RPP14: variants seen among roughly 807,000 people sequenced by gnomAD.
RPP14 encodes the protein ribonuclease P/MRP subunit p14, also known as ribonuclease P protein subunit p14.
In RPP14, 19 loss-of-function variants were observed where a neutral mutation model predicts 17.8. The observed-to-expected ratio is 1.07, with a 90% CI of 0.74 to 1.57. The LOEUF (loss-of-function observed/expected upper bound fraction) is 1.57, where lower values mean the gene tolerates loss of function less well. RPP14 is among the 40% of genes most tolerant of loss of function. The pLI, the probability that RPP14 is intolerant of heterozygous loss-of-function variation, is 0.00. For missense variants in RPP14, 125 were observed against 140.8 expected, an observed-to-expected ratio of 0.89 and a Z score of 0.57; for synonymous variants, 60 against 56.4, an observed-to-expected ratio of 1.06 and a Z score of -0.29.
chr3:58,313,720 G>A (rs1232449956), intron 3 of RPP14, among the ~76,000 whole-genome samples: 1 of 152,234 alleles, frequency 6.6e-6, no homozygotes, highest in Non-Finnish European at 1.5e-5. Context: ...AACTAGTCAG[G>A]AGGCTGAGGT....
intron 3 of RPP14, among the ~76,000 whole-genome samples, chr3:58,310,851 A>T (rs567792568): frequency 1.3e-5 from 2 of 150,532 alleles, no homozygotes; most frequent in East Asian, 3.9e-4. Context: ...AATTGCTTGA[A>T]CCCGGGAGGC....
In RPP14 at chr3:58,316,366, G is replaced by A; in HGVS notation, c.163-149G>A. ...CAGAACATTCTAGGCAGGGGGAGCT[G>A]TAAGTAGGCAACTAAAGTGCCAGCA... On this transcript the variant is annotated intron_variant, in intron 3 of 5. Coordinates refer to ENST00000295959, the MANE Select transcript of RPP14 (RefSeq NM_007042.6). 3 of 661,934 alleles carry A rather than the reference G, an allele frequency of 4.5e-6. No homozygotes were observed. The African/African-American group carries it at 5.4e-5, about 12-fold the overall frequency. 41.0% of individuals were successfully genotyped at this position (661,934 alleles called of 1,614,324 possible).
Position 58,316,519 on chromosome 3 carries a change from A to C in RPP14, c.167A>C (p.Asp56Ala), listed in dbSNP as rs756494086. The C allele has an allele frequency of 6.2e-7, 1 of 1,613,840 alleles. No individual in the cohort carries two copies. The highest frequency in any genetic ancestry group is 1.1e-5 in the South Asian group (1 of 91,080). Reference sequence around the variant, plus strand: ...ATAGCATTATTCCATATGCAGGTTGATGCCGCCTTACCTTTGGACATCCTA... The same window carrying C: ...ATAGCATTATTCCATATGCAGGTTGCTGCCGCCTTACCTTTGGACATCCTA... ...SAVKDLFGEV[D>A]AALPLDILTY... Residue 56 changes from aspartate to alanine, a missense_variant, in exon 4 of 6, where the codon GAT becomes GCT. Transcript: ENST00000295959.
At chr3:58,315,379 T>A (rs534215668) in intron 3 of RPP14, among the ~76,000 whole-genome samples, 1 of 143,364 alleles carries the variant, frequency 7.0e-6, no homozygotes, top group African/African-American at 2.6e-5. Flanking sequence ...GGGTGAGGAG[T>A]AGGGGAGGAG....
chr3:58,310,221 A>G lies in RPP14; in HGVS notation c.-21-88A>G, dbSNP rs571833904. The G allele has an allele frequency of 4.7e-6, 5 of 1,053,090 alleles. No individual in the cohort carries two copies. In the African/African-American group the frequency reaches 6.4e-5, roughly 13 times the overall value. The allele number at this position is 1,053,090 out of a possible 1,614,324, so 65.2% of individuals were successfully genotyped here. ...GACCCTGCCTTAAAACAAACAAACA[A>G]AAAAAACCCAAATAGGCCAAATTCT... On this transcript the variant is annotated intron_variant, in intron 1 of 5. Transcript: ENST00000295959.
intron 3 of RPP14, among the ~76,000 whole-genome samples, chr3:58,312,224 G>A (rs1359153619): frequency 6.6e-6 from 1 of 152,022 alleles, no homozygotes; most frequent in Non-Finnish European, 1.5e-5. Flanking sequence ...CCTCCCAGTA[G>A]TGTGTGAGGG....
rs142298527 is a variant in RPP14 at position 58,315,325 on chromosome 3, C to T, written c.163-1190C>T. 1.5e-4 allele frequency among the ~76,000 whole-genome samples: 22 copies of T among 149,742 alleles called. No homozygotes were observed. In the East Asian group the frequency reaches 3.1e-3, roughly 21 times the overall value. On this transcript the variant is annotated intron_variant, in intron 3 of 5. Transcript: ENST00000295959. ...TGGGTGTTTCCATTTATAGAAGACTCTTGAAATACTATATATAATCTGGAG... is the reference window on the plus strand; with the variant it reads ...TGGGTGTTTCCATTTATAGAAGACTTTTGAAATACTATATATAATCTGGAG...
chr3:58,315,835 C>G (rs1014776347), intron 3 of RPP14: 1 of 152,282 alleles, frequency 6.6e-6, no homozygotes, highest in Non-Finnish European at 1.5e-5. Context: ...TGCCACCACA[C>G]CCGGCTAATT....
chr3:58,316,843 TAGAAA>T, intron 4 of RPP14, 67 bp from the exon 5 acceptor site: 1 of 1,289,984 alleles, frequency 7.8e-7, no homozygotes, highest in South Asian at 1.3e-5. Flanking sequence ...GTGAATATTT[TAGAAA>T]CCTTAGTTGA....
At chr3:58,313,717 C>CAGG (rs1253817195) in intron 3 of RPP14, among the ~76,000 whole-genome samples, 1 of 152,136 alleles carries the variant, frequency 6.6e-6, no homozygotes, top group Non-Finnish European at 1.5e-5. Context: ...CCCAACTAGT[C>CAGG]AGGAGGCTGA....
Position 58,316,562 on chromosome 3 carries a change from C to T in RPP14, c.210C>T (p.Thr70=), listed in dbSNP as rs745726768. The change falls in exon 4 of 6, where the codon ACC becomes ACT. Residue 70 remains threonine, a synonymous_variant. Transcript: ENST00000295959. ...ACATCCTAACCTATGAAGAGAAGACCTTGTCAGCCATCTTGAGAATATGTA... is the reference window on the plus strand; with the variant it reads ...ACATCCTAACCTATGAAGAGAAGACTTTGTCAGCCATCTTGAGAATATGTA... ...PLDILTYEEK[T]LSAILRICSS... 6.2e-7 allele frequency: 1 copy of T among 1,614,058 alleles called. No homozygotes were observed. The highest frequency in any genetic ancestry group is 1.3e-5 in the African/African-American group (1 of 75,044).
In RPP14 at chr3:58,318,191, C is replaced by G. The variant is rs1370460486; in HGVS notation, c.*695C>G. The G allele has an allele frequency of 9.3e-5, 56 of 599,724 alleles. 2 individuals carry two copies. The highest frequency in any genetic ancestry group is 8.9e-4 in the South Asian group (43 of 48,506). The allele number at this position is 599,724 out of a possible 1,614,324, so 37.2% of individuals were successfully genotyped here. A position where few individuals can be genotyped will look rare whatever the true frequency, so the allele number is the denominator to read the frequency against. ...AAAGAGCCTATGGGGAATTGCTGCTCTTTACCAAAGAATGGTTGATAGGCC... is the reference window on the plus strand; with the variant it reads ...AAAGAGCCTATGGGGAATTGCTGCTGTTTACCAAAGAATGGTTGATAGGCC... On this transcript the variant is annotated 3_prime_UTR_variant, in exon 6 of 6. Transcript: ENST00000295959.
chr3:58,317,512 T>C lies in RPP14; in HGVS notation c.*16T>C. On this transcript the variant is annotated 3_prime_UTR_variant, in exon 6 of 6. Transcript: ENST00000295959. Reference sequence around the variant, plus strand: ...ATTGGATTGAATGAATAGTCTTCCATTTTGGAAACGTTCATCCACTCTCAT... The same window carrying C: ...ATTGGATTGAATGAATAGTCTTCCACTTTGGAAACGTTCATCCACTCTCAT... 6.5e-7 allele frequency: 1 copy of C among 1,541,352 alleles called. No individual in the cohort carries two copies. The highest frequency in any genetic ancestry group is 8.9e-7 in the Non-Finnish European group (1 of 1,118,178).
In RPP14 at chr3:58,310,386, C is replaced by T. The variant is rs1425009501; in HGVS notation, c.57C>T (p.Tyr19=). The T allele has an allele frequency of 6.2e-7, 1 of 1,614,054 alleles. No individual in the cohort carries two copies. The highest frequency in any genetic ancestry group is 8.5e-7 in the Non-Finnish European group (1 of 1,179,924). Residue 19 remains tyrosine (Y), a synonymous_variant, in exon 2 of 6, where the codon TAC becomes TAT. Coordinates refer to ENST00000295959, the MANE Select transcript of RPP14 (RefSeq NM_007042.6). Reference sequence around the variant, plus strand: ...TAGTTTACAAAAACCCTTCCGAGTACCACTACATGAAAGTCTGCCTGTAAG... The same window carrying T: ...TAGTTTACAAAAACCCTTCCGAGTATCACTACATGAAAGTCTGCCTGTAAG... The part of the protein sequence containing the change: ...ERVVYKNPSE[Y]HYMKVCLEFQ...
At chr3:58,312,815 G>A (rs2097483742) in intron 3 of RPP14, among the ~76,000 whole-genome samples, 1 of 152,048 alleles carries the variant, frequency 6.6e-6, no homozygotes, top group African/African-American at 2.4e-5. Flanking sequence ...ACAAAAATTA[G>A]CTGGGCATGG....
chr3:58,317,038 G>A (rs1042432938), intron 5 of RPP14, 45 bp downstream of exon 5: 1 of 1,350,436 alleles, frequency 7.4e-7, no homozygotes, highest in Non-Finnish European at 1.1e-6. Context: ...CTGAGTGATG[G>A]GTCAACTGCT....
At chr3:58,310,886 C>T (rs1012034527) in intron 3 of RPP14, among the ~76,000 whole-genome samples, 27 of 148,672 alleles carry the variant, frequency 1.8e-4, no homozygotes, top group South Asian at 2.1e-4. Context: ...GCCGAGATAA[C>T]GCCACTGCAC....
In RPP14 at chr3:58,317,733, C is replaced by T; in HGVS notation, c.*237C>T. The T allele has an allele frequency of 1.4e-6, 1 of 703,556 alleles. No homozygotes were observed. The highest frequency in any genetic ancestry group is 2.6e-6 in the Non-Finnish European group (1 of 385,016). 43.6% of individuals were successfully genotyped at this position (703,556 alleles called of 1,614,324 possible). A position where few individuals can be genotyped will look rare whatever the true frequency, so the allele number is the denominator to read the frequency against. Reference sequence around the variant, plus strand: ...AGCATATGCACATCAAAGTTGGAGACCGCGCTGAACTTAGGAGGGCCTTCA... The same window carrying T: ...AGCATATGCACATCAAAGTTGGAGATCGCGCTGAACTTAGGAGGGCCTTCA... On this transcript the variant is annotated 3_prime_UTR_variant, in exon 6 of 6. Coordinates refer to ENST00000295959, the MANE Select transcript of RPP14 (RefSeq NM_007042.6).
chr3:58,318,154 A>C lies in RPP14; in HGVS notation c.*658A>C. The C allele has an allele frequency of 1.6e-6, 1 of 615,874 alleles. No homozygotes were observed. The highest frequency in any genetic ancestry group is 2.9e-5 in the Admixed American group (1 of 34,380). The allele number at this position is 615,874 out of a possible 1,614,324, so 38.2% of individuals were successfully genotyped here. ...TTTTAAAGATGCAACCTCAAACACC[A>C]ATGCTGTTGTTAAAGAGCCTATGGG... On this transcript the variant is annotated 3_prime_UTR_variant, in exon 6 of 6. Coordinates refer to ENST00000295959, the MANE Select transcript of RPP14 (RefSeq NM_007042.6).
Sources: allele counts gnomAD v4.1 joint callset (sites outside exome capture counted in the v4.1 genomes callset), GRCh38; gene constraint gnomAD v4.1.1; transcripts MANE v1.5; gene names NCBI Gene and HGNC (gene_info 2026-07-23, HGNC 2026-07-21).